Variants in TNFRSF6B observed in about 807,000 individuals in gnomAD.
The protein encoded by TNFRSF6B is TNF receptor superfamily member 6b, also known as tumor necrosis factor receptor superfamily member 6B.
TNFRSF6B carries 23 observed loss-of-function variants against 17.9 expected under a neutral mutation model. That is an observed-to-expected ratio of 1.28 (90% CI 0.92 to 1.82). TNFRSF6B has a LOEUF of 1.82. TNFRSF6B is among the 40% of genes most tolerant of loss of function. TNFRSF6B has a pLI of 0.00. For missense variants in TNFRSF6B, 555 were observed against 437.2 expected, an observed-to-expected ratio of 1.27 and a Z score of -2.40; for synonymous variants, 291 against 195.8, an observed-to-expected ratio of 1.49 and a Z score of -4.06.
Position 63,698,438 on chromosome 20 carries a change from C to T in TNFRSF6B, c.778C>T (p.Arg260Trp), listed in dbSNP as rs753574890. 2.3e-5 allele frequency: 36 copies of T among 1,570,682 alleles called. 1 individual carries two copies. The highest frequency in any genetic ancestry group is 4.6e-5 in the South Asian group (4 of 86,284). The change falls in exon 3 of 3, where the codon CGG becomes TGG. Residue 260 changes from arginine (R) to tryptophan (W), a missense_variant. Physicochemically the swap from Arg to Trp is moderately radical, Grantham distance 101. Coordinates refer to ENST00000369996, the MANE Select transcript of TNFRSF6B (RefSeq NM_003823.4). ...RAALQLKLRR[R>W]LTELLGAQDG... ...GGCCTTGCAGCTGAAGCTGCGTCGG[C>T]GGCTCACGGAGCTCCTGGGGGCGCA...
In TNFRSF6B at chr20:63,696,896, A is replaced by C; in HGVS notation, c.129A>C (p.Thr43=). Reference sequence around the variant, plus strand: ...CCTACCCCTGGCGGGACGCAGAGACAGGGGAGCGGCTGGTGTGCGCCCAGT... The same window carrying C: ...CCTACCCCTGGCGGGACGCAGAGACCGGGGAGCGGCTGGTGTGCGCCCAGT... The part of the protein sequence containing the change: ...TPTYPWRDAE[T]GERLVCAQCP... Residue 43 remains threonine, a synonymous_variant, in exon 1 of 3, where the codon ACA becomes ACC. Coordinates refer to ENST00000369996, the MANE Select transcript of TNFRSF6B (RefSeq NM_003823.4). 6.2e-7 allele frequency: 1 copy of C among 1,609,630 alleles called. No individual in the cohort carries two copies. The highest frequency in any genetic ancestry group is 8.5e-7 in the Non-Finnish European group (1 of 1,178,050).
In TNFRSF6B at chr20:63,697,454, C is replaced by G. The variant is rs1159615385; in HGVS notation, c.551C>G (p.Pro184Arg). 2.5e-6 allele frequency: 4 copies of G among 1,595,942 alleles called. No individual in the cohort carries two copies. Among genetic ancestry groups the G allele is most frequent in the Non-Finnish European group, 8.5e-7 (1 of 1,172,194 alleles). Residue 184 changes from proline to arginine, a missense_variant, in exon 2 of 3, where the codon CCA becomes CGA. Pro to Arg is a moderately radical substitution (Grantham distance 103). Coordinates refer to ENST00000369996, the MANE Select transcript of TNFRSF6B (RefSeq NM_003823.4). ...CTALGLALNV[P>R]GSSSHDTLCT... is the part of the protein sequence containing the mutation. ...GCCCTGGGCCTGGCCCTCAATGTGC[C>G]AGGCTCTTCCTCCCATGACACCCTG... is the stretch of plus-strand genomic sequence containing the variant.
rs770649191 is a variant in TNFRSF6B at position 63,698,420 on chromosome 20, C to G, written c.760C>G (p.Gln254Glu). ...PTPRAGRAAL[Q>E]LKLRRRLTEL... ...ACCAAGGGCGGGCCGCGCGGCCTTG[C>G]AGCTGAAGCTGCGTCGGCGGCTCAC... is the stretch of plus-strand genomic sequence containing the variant. Residue 254 changes from glutamine to glutamate, a missense_variant, in exon 3 of 3, where the codon CAG (glutamine) becomes GAG (glutamate). Coordinates refer to ENST00000369996, the MANE Select transcript of TNFRSF6B (RefSeq NM_003823.4). 7 of 1,586,148 alleles carry G rather than the reference C, an allele frequency of 4.4e-6. No individual in the cohort carries two copies. The highest frequency in any genetic ancestry group is 2.3e-5 in the East Asian group (1 of 43,730).
rs772160051 is a variant in TNFRSF6B at position 63,697,468 on chromosome 20, C to T, written c.565C>T (p.His189Tyr). 6.3e-7 allele frequency: 1 copy of T among 1,587,358 alleles called. No homozygotes were observed. Among genetic ancestry groups the T allele is most frequent in the Non-Finnish European group, 8.6e-7 (1 of 1,167,684 alleles). Residue 189 changes from histidine (H) to tyrosine (Y), a missense_variant, in exon 2 of 3, where the codon CAT becomes TAT. By Grantham distance (83) the His-to-Tyr change is moderately conservative. Transcript: ENST00000369996. Reference sequence around the variant, plus strand: ...CCTCAATGTGCCAGGCTCTTCCTCCCATGACACCCTGTGCACCAGCTGCAC... The same window carrying T: ...CCTCAATGTGCCAGGCTCTTCCTCCTATGACACCCTGTGCACCAGCTGCAC... Reference protein sequence around the residue: ...LALNVPGSSSHDTLCTSCTGF... With the variant: ...LALNVPGSSSYDTLCTSCTGF...
At chr20:63,698,205 A>G in intron 2 of TNFRSF6B, 75 bp from the exon 3 acceptor site, 1 of 1,560,316 alleles carries the variant, frequency 6.4e-7, no homozygotes. Flanking sequence ...GGGCCCAGAA[A>G]GCAGGGTACC....
Position 63,697,099 on chromosome 20 carries a change from G to T in TNFRSF6B, c.332G>T (p.Arg111Leu). The change falls in exon 1 of 3, where the codon CGT becomes CTT. Residue 111 changes from arginine to leucine, a missense_variant. Arg to Leu is a moderately radical substitution (Grantham distance 102, BLOSUM62 -2). Coordinates refer to ENST00000369996, the MANE Select transcript of TNFRSF6B (RefSeq NM_003823.4). Reference sequence around the variant, plus strand: ...CGGGCTTGCCACGCCACCCACAACCGTGCCTGCCGCTGCCGCACCGGCTTC... The same window carrying T: ...CGGGCTTGCCACGCCACCCACAACCTTGCCTGCCGCTGCCGCACCGGCTTC... The part of the protein sequence containing the change: ...EARACHATHN[R>L]ACRCRTGFFA... 1 of 1,598,460 alleles carries T rather than the reference G, an allele frequency of 6.3e-7. No individual in the cohort carries two copies. The highest frequency in any genetic ancestry group is 8.5e-7 in the Non-Finnish European group (1 of 1,175,996).
rs776796431 is a variant in TNFRSF6B at position 63,698,335 on chromosome 20, C to A, written c.675C>A (p.Ser225=). The change falls in exon 3 of 3, where the codon TCC becomes TCA. Residue 225 remains serine, a synonymous_variant. Transcript: ENST00000369996. Reference sequence around the variant, plus strand: ...ACTTTGTGGCTTTCCAGGACATCTCCATCAAGAGGCTGCAGCGGCTGCTGC... The same window carrying A: ...ACTTTGTGGCTTTCCAGGACATCTCAATCAAGAGGCTGCAGCGGCTGCTGC... The part of the protein sequence containing the change: ...VIDFVAFQDI[S]IKRLQRLLQA... 5 of 1,611,532 alleles carry A rather than the reference C, an allele frequency of 3.1e-6. No individual in the cohort carries two copies. The East Asian group carries it at 1.1e-4, about 36-fold the overall frequency.
chr20:63,697,288 C>T (rs199926555), intron 1 of TNFRSF6B, 40 bp from the exon 2 acceptor site: 1 of 1,589,058 alleles, frequency 6.3e-7, no homozygotes, highest in Admixed American at 1.8e-5. Context: ...TGAGCTAGGA[C>T]ACCAGTTCCC....
chr20:63,697,277 C>G (rs1320728596), intron 1 of TNFRSF6B, 51 bp from the exon 2 acceptor site: 2 of 1,574,290 alleles, frequency 1.3e-6, no homozygotes, highest in African/African-American at 2.7e-5. Context: ...GCCTTGCACC[C>G]TGAGCTAGGA....
chr20:63,698,540 G>T lies in TNFRSF6B; in HGVS notation c.880G>T (p.Glu294Ter). 6.5e-7 allele frequency: 1 copy of T among 1,542,332 alleles called. No homozygotes were observed. The highest frequency in any genetic ancestry group is 8.7e-7 in the Non-Finnish European group (1 of 1,154,396). The change falls in exon 3 of 3, where the codon GAG becomes TAG. Residue 294 changes from glutamate to a stop codon, truncating the protein, a stop_gained. Coordinates refer to ENST00000369996, the MANE Select transcript of TNFRSF6B (RefSeq NM_003823.4). LOFTEE classifies it high-confidence loss of function. ...GCCCGGGCTGGAGCGGAGCGTCCGT[G>T]AGCGCTTCCTCCCTGTGCACTGATC... ...RMPGLERSVR[E>*]RFLPVH
rs761928512 is a variant in TNFRSF6B, at chr20:63,698,355, TGCTGCAGGCCCTCGAGGCCCCGGAG to T, written c.697_721del (p.Leu233AlafsTer15). The T allele has an allele frequency of 1.9e-6, 3 of 1,610,994 alleles. No individual in the cohort carries two copies. The African/African-American group carries it at 4.0e-5, about 22-fold the overall frequency. On this transcript the variant is annotated frameshift_variant, in exon 3 of 3. Transcript: ENST00000369996. LOFTEE classifies it low-confidence loss of function (END_TRUNC). ...ATCTCCATCAAGAGGCTGCAGCGGC[TGCTGCAGGCCCTCGAGGCCCCGGAG>T]GGCTGGGGTCCGACACCAAGGGCGG...
rs1040681932 is a variant in TNFRSF6B at position 63,697,482 on chromosome 20, C to T, written c.579C>T (p.Cys193=). 30 of 1,570,672 alleles carry T rather than the reference C, an allele frequency of 1.9e-5. No individual in the cohort carries two copies. Among genetic ancestry groups the T allele is most frequent in the Non-Finnish European group, 2.6e-5 (30 of 1,158,052 alleles). ...GCTCTTCCTCCCATGACACCCTGTG[C>T]ACCAGCTGCACTGGCTTCCCCCTCA... ...VPGSSSHDTL[C]TSCTGFPLST... Residue 193 remains cysteine, a synonymous_variant, in exon 2 of 3, where the codon TGC becomes TGT. Coordinates refer to ENST00000369996, the MANE Select transcript of TNFRSF6B (RefSeq NM_003823.4).
Position 63,698,538 on chromosome 20 carries a change from G to T in TNFRSF6B, c.878G>T (p.Arg293Leu). 6.5e-7 allele frequency: 1 copy of T among 1,543,210 alleles called. No individual in the cohort carries two copies. The highest frequency in any genetic ancestry group is 8.7e-7 in the Non-Finnish European group (1 of 1,154,772). The change falls in exon 3 of 3, where the codon CGT (arginine) becomes CTT (leucine). Residue 293 changes from arginine (R) to leucine (L), a missense_variant. Transcript: ENST00000369996. ...ATGCCCGGGCTGGAGCGGAGCGTCC[G>T]TGAGCGCTTCCTCCCTGTGCACTGA... is the stretch of plus-strand genomic sequence containing the variant. The part of the protein sequence containing the change: ...ARMPGLERSV[R>L]ERFLPVH
In TNFRSF6B at chr20:63,698,604, A is replaced by G. The variant is rs1224494468; in HGVS notation, c.*41A>G. 6.9e-7 allele frequency: 1 copy of G among 1,445,314 alleles called. No individual in the cohort carries two copies. The highest frequency in any genetic ancestry group is 1.5e-5 in the South Asian group (1 of 66,994). The allele number at this position is 1,445,314 out of a possible 1,614,324, so 89.5% of individuals were successfully genotyped here. On this transcript the variant is annotated 3_prime_UTR_variant, in exon 3 of 3. Coordinates refer to ENST00000369996, the MANE Select transcript of TNFRSF6B (RefSeq NM_003823.4). Reference sequence around the variant, plus strand: ...ATTTATTCTACATCCTTGGCACCCCACTTGCACTGAAAGAGGCTTTTTTTT... The same window carrying G: ...ATTTATTCTACATCCTTGGCACCCCGCTTGCACTGAAAGAGGCTTTTTTTT...
rs752840811 is a variant in TNFRSF6B at position 63,697,209 on chromosome 20, G to A, written c.424+18G>A. ...TGCCCCGGGTGAGAGCTGGGCGAGG[G>A]GAGGGGCCCCCAGGAGTGGTGGCCG... On this transcript the variant is annotated intron_variant, in intron 1 of 2. Coordinates refer to ENST00000369996, the MANE Select transcript of TNFRSF6B (RefSeq NM_003823.4). 5.9e-5 allele frequency: 92 copies of A among 1,553,498 alleles called. No individual in the cohort carries two copies. The highest frequency in any genetic ancestry group is 1.7e-4 in the Middle Eastern group (1 of 5,734).
intron 2 of TNFRSF6B, 147 bp downstream of exon 2, chr20:63,697,669 C>T (rs1006744801): frequency 8.2e-5 from 71 of 869,284 alleles, no homozygotes; most frequent in Non-Finnish European, 3.9e-5. Flanking sequence ...GGGGTCCCTC[C>T]ACTAGATCCC....
In TNFRSF6B at chr20:63,696,940, T is replaced by C. The variant is rs1788450236; in HGVS notation, c.173T>C (p.Val58Ala). The C allele has an allele frequency of 1.2e-6, 2 of 1,603,146 alleles. No homozygotes were observed. The highest frequency in any genetic ancestry group is 1.7e-6 in the Non-Finnish European group (2 of 1,176,178). The change falls in exon 1 of 3, where the codon GTG (valine) becomes GCG (alanine). Residue 58 changes from valine (V) to alanine (A), a missense_variant. Val to Ala is a moderately conservative substitution (Grantham distance 64). Transcript: ENST00000369996. ...GCCCAGTGCCCCCCAGGCACCTTTG[T>C]GCAGCGGCCGTGCCGCCGAGACAGC... ...VCAQCPPGTF[V>A]QRPCRRDSPT...
At chr20:63,697,929 GAAGTGACCCCCTTAACATC>G (rs962042705) in intron 2 of TNFRSF6B, among the ~76,000 whole-genome samples, 2 of 152,172 alleles carry the variant, frequency 1.3e-5, no homozygotes, top group African/African-American at 4.8e-5. Context: ...GTCACAGGGG[GAAGTGACCCCCTTAACATC>G]AAGTCAGGTC....
chr20:63,696,797 G>T lies in TNFRSF6B; in HGVS notation c.30G>T (p.Ser10=). 1 of 1,605,178 alleles carries T rather than the reference G, an allele frequency of 6.2e-7. No homozygotes were observed. The highest frequency in any genetic ancestry group is 2.2e-5 in the East Asian group (1 of 44,722). ...GGGCGCTGGAGGGGCCAGGCCTGTC[G>T]CTGCTGTGCCTGGTGTTGGCGCTGC... MRALEGPGL[S]LLCLVLALPA... is the part of the protein sequence containing the mutation. Residue 10 remains serine, a synonymous_variant, in exon 1 of 3, where the codon TCG becomes TCT. Transcript: ENST00000369996.
Sources: gnomAD v4.1 joint callset for allele counts (sites outside exome capture counted in the v4.1 genomes callset) on GRCh38, gnomAD v4.1.1 for gene constraint, MANE v1.5 for transcripts, NCBI Gene and HGNC (gene_info 2026-07-23, HGNC 2026-07-21) for gene names.